The following WNK3 variants were observed in gnomAD, a reference collection of about 807,000 sequenced individuals.
WNK3 encodes the protein WNK lysine deficient protein kinase 3.
A neutral mutation model predicts 116.7 loss-of-function variants in WNK3; 18 were observed. The observed-to-expected ratio is 0.15, with a 90% confidence interval of 0.11 to 0.23. WNK3 has a LOEUF of 0.23. Among genes scored for constraint, WNK3 ranks in the 10% least tolerant of loss-of-function variants. The pLI, the probability that WNK3 is intolerant of heterozygous loss-of-function variation, is 1.00. For missense variants in WNK3, 993 were observed against 1,323.8 expected, an observed-to-expected ratio of 0.75 and a Z score of 3.88; for synonymous variants, 404 against 469.4, an observed-to-expected ratio of 0.86 and a Z score of 1.80.
intron 2 of WNK3, among the ~76,000 whole-genome samples, chrX:54,322,203 C>T (rs1265173972): frequency 5.4e-5 from 6 of 111,436 alleles, no homozygotes; most frequent in East Asian, 5.7e-4. Flanking sequence ...TCCTTTGTTC[C>T]GACTCTATAA....
At chrX:54,294,938 C>T in intron 7 of WNK3, 91 bp from the exon 8 acceptor site, 2 of 843,142 alleles carry the variant, frequency 2.4e-6, no homozygotes, top group Non-Finnish European at 3.2e-6. Flanking sequence ...AGCTCTGTCG[C>T]CCAGGCTGGA....
At chrX:54,338,434 A>C (rs2069272522) in intron 1 of WNK3, among the ~76,000 whole-genome samples, 1 of 108,244 alleles carries the variant, frequency 9.2e-6, no homozygotes, top group Non-Finnish European at 1.9e-5. Flanking sequence ...AAAAAAAAAA[A>C]TACTTAGCCA....
At chrX:54,307,552 A>G (rs974613062) in intron 5 of WNK3, among the ~76,000 whole-genome samples, 2 of 111,879 alleles carry the variant, frequency 1.8e-5, no homozygotes, top group Non-Finnish European at 3.8e-5. Context: ...TACTGTATCT[A>G]TTGAACTATA....
chrX:54,259,519 AT>A (rs1557156285), intron 10 of WNK3, among the ~76,000 whole-genome samples, 181 bp from the exon 11 acceptor site: 1 of 112,079 alleles, frequency 8.9e-6, no homozygotes, highest in African/African-American at 3.2e-5. Flanking sequence ...GATAAATAAA[AT>A]TTAACAATAC....
At chrX:54,261,561 C>A (rs1454100083) in intron 10 of WNK3, among the ~76,000 whole-genome samples, 4 of 111,530 alleles carry the variant, frequency 3.6e-5, no homozygotes, top group Non-Finnish European at 7.5e-5. Context: ...ATTACCAAAG[C>A]AAGATGAATA....
At chrX:54,240,326 C>G (rs1557151284) in intron 17 of WNK3, among the ~76,000 whole-genome samples, 1 of 107,449 alleles carries the variant, frequency 9.3e-6, no homozygotes, top group Non-Finnish European at 1.9e-5. Flanking sequence ...AACAAAAAAA[C>G]AAACACAAAC....
chrX:54,275,601 C>A (rs1557160582), intron 10 of WNK3, among the ~76,000 whole-genome samples: 1 of 109,396 alleles, frequency 9.1e-6, no homozygotes, highest in Non-Finnish European at 1.9e-5. Context: ...TTTCAAATAA[C>A]CCACAGGTGG....
chrX:54,297,138 C>A (rs1376059785), intron 7 of WNK3, among the ~76,000 whole-genome samples: 2 of 111,547 alleles, frequency 1.8e-5, no homozygotes. Context: ...TTCAGCTTAT[C>A]CTCTCCTGGG....
chrX:54,338,813 C>A (rs2069279172), intron 1 of WNK3, among the ~76,000 whole-genome samples: 1 of 108,551 alleles, frequency 9.2e-6, no homozygotes, highest in Non-Finnish European at 1.9e-5. Context: ...ACCACACTGG[C>A]CAACATGGTG....
intron 22 of WNK3, among the ~76,000 whole-genome samples, chrX:54,228,043 A>G (rs954912171): frequency 1.8e-5 from 2 of 110,963 alleles, no homozygotes; most frequent in Non-Finnish European, 3.8e-5. Flanking sequence ...GGCGTGCGCC[A>G]CCATGCCTGG....
intron 22 of WNK3, among the ~76,000 whole-genome samples, chrX:54,227,795 AATAT>A (rs1557148145): frequency 8.8e-6 from 1 of 113,122 alleles, no homozygotes. Context: ...AAACTTTGTA[AATAT>A]ATGCTAAGTG....
chrX:54,313,602 G>A (rs782160467), intron 2 of WNK3, among the ~76,000 whole-genome samples: 88 of 109,379 alleles, frequency 8.0e-4, no homozygotes, highest in African/African-American at 2.7e-3. Flanking sequence ...CACCTGCCTC[G>A]GCCTCCCAAA....
chrX:54,292,610 G>A (rs2068650255), intron 10 of WNK3, among the ~76,000 whole-genome samples: 1 of 107,501 alleles, frequency 9.3e-6, no homozygotes, highest in Non-Finnish European at 1.9e-5. Flanking sequence ...GGAGGCTGAG[G>A]CAGGAGAATC....
chrX:54,275,413 A>ATGTGTGTGTGTG lies in WNK3; in HGVS notation c.2038-16076_2038-16075insCACACACACACA, dbSNP rs782746924. Among the ~76,000 whole-genome samples, 338 of 58,328 alleles carry ATGTGTGTGTGTG rather than the reference A, an allele frequency of 5.8e-3. 10 individuals are homozygous for ATGTGTGTGTGTG. Among genetic ancestry groups the ATGTGTGTGTGTG allele is most frequent in the African/African-American group, 0.017 (283 of 16,186 alleles). 50.7% of individuals were successfully genotyped at this position (58,328 alleles called of 115,157 possible). A position where few individuals can be genotyped will look rare whatever the true frequency, so the allele number is the denominator to read the frequency against. On this transcript the variant is annotated intron_variant, in intron 10 of 23. Coordinates refer to ENST00000354646, the Ensembl canonical transcript of WNK3. ...GTCGGTATCTGTAGGGTATAAGTTC[A>ATGTGTGTGTGTG]TATGTGTGTGTGTGTGTGTGTGTGT...
chrX:54,195,933 G>A (rs1245681586), exon 24 of WNK3: 1 of 111,371 alleles, frequency 9.0e-6, no homozygotes, highest in Non-Finnish European at 1.9e-5. Flanking sequence ...ATTAATACAT[G>A]TAATTGTACA....
intron 1 of WNK3, among the ~76,000 whole-genome samples, chrX:54,343,227 A>T: frequency 9.0e-6 from 1 of 110,738 alleles, no homozygotes; most frequent in Non-Finnish European, 1.9e-5. Context: ...ACACAGGCTC[A>T]GCCGGGCGCG....
chrX:54,214,489 A>T (rs1017085831), intron 22 of WNK3, among the ~76,000 whole-genome samples: 4 of 111,776 alleles, frequency 3.6e-5, no homozygotes, highest in Non-Finnish European at 7.5e-5. Flanking sequence ...AACAATAAAA[A>T]TATAGGCAAA....
At chrX:54,210,229 C>T (rs1557143495) in intron 22 of WNK3, among the ~76,000 whole-genome samples, 1 of 111,911 alleles carries the variant, frequency 8.9e-6, no homozygotes, top group Non-Finnish European at 1.9e-5. Context: ...GTGGAGCATC[C>T]TGTCTTTGTG....
Position 54,259,235 on chromosome X carries a change from T to A in WNK3, c.2102+39A>T, listed in dbSNP as rs781893599. On this transcript the variant is annotated intron_variant, in intron 11 of 23. Transcript: ENST00000354646. ...TAATGAGTAAACAAACTTCAGCATA[T>A]CCTCATTGTTCTCATGGTATTAATT... The A allele has an allele frequency of 1.0e-5, 10 of 981,894 alleles. No individual in the cohort carries two copies. The South Asian group carries it at 2.2e-4, about 22-fold the overall frequency. The allele number at this position is 981,894 out of a possible 1,213,427, so 80.9% of individuals were successfully genotyped here.
Sources: allele counts gnomAD v4.1 joint callset (sites outside exome capture counted in the v4.1 genomes callset), GRCh38; gene constraint gnomAD v4.1.1; transcripts MANE v1.5; gene names NCBI Gene and HGNC (gene_info 2026-07-23, HGNC 2026-07-21).